Variants in SEMA4B observed in about 807,000 individuals in gnomAD.
SEMA4B encodes semaphorin-4B.
Under a neutral mutation model 88.1 loss-of-function variants are expected in SEMA4B, and 55 were observed. The observed-to-expected ratio is 0.62, with a 90% confidence interval of 0.50 to 0.78. The LOEUF (loss-of-function observed/expected upper bound fraction) is 0.78, where lower values mean the gene tolerates loss of function less well. Among genes scored for constraint, SEMA4B ranks in the 30% least tolerant of loss-of-function variants. SEMA4B has a pLI of 0.00. For synonymous variants in SEMA4B, 525 were observed against 473.6 expected, an observed-to-expected ratio of 1.11 and a Z score of -1.41; for missense variants, 1,062 against 1,111.9, an observed-to-expected ratio of 0.96 and a Z score of 0.64.
chr15:90,199,834 A>G (rs1960638963), upstream of SEMA4B, among the ~76,000 whole-genome samples: 1 of 152,096 alleles, frequency 6.6e-6, no homozygotes, highest in Non-Finnish European at 1.5e-5. Context: ...TCAAAAAAAA[A>G]AAAGTTGAGG....
In SEMA4B at chr15:90,228,603, G is replaced by A. The variant is rs774468147; in HGVS notation, c.2474G>A (p.Arg825Gln). ...VEVSPVCPRP[R>Q]VRLGSEIRDS... ...GTATCCCCAGTGTGCCCCCGGCCCCGGGTCCGCCTTGGCTCGGAGATCCGT... is the reference window on the plus strand; with the variant it reads ...GTATCCCCAGTGTGCCCCCGGCCCCAGGTCCGCCTTGGCTCGGAGATCCGT... The change falls in exon 14 of 14, where the codon CGG (arginine) becomes CAG (glutamine). Residue 825 changes from arginine to glutamine, a missense_variant. Coordinates refer to ENST00000411539, the MANE Select transcript of SEMA4B (RefSeq NM_198925.4). 9.9e-6 allele frequency: 16 copies of A among 1,613,506 alleles called. No individual in the cohort carries two copies. The highest frequency in any genetic ancestry group is 1.7e-4 in the Middle Eastern group (1 of 6,060).
In SEMA4B at chr15:90,219,844, C is replaced by T; in HGVS notation, c.436C>T (p.Leu146=). ...KILLPLSGSH[L]FTCGTAAFSP... ...CCTCCTGCCGCTCAGCGGCAGTCAC[C>T]TGTTCACCTGTGGCACAGCAGCCTT... Residue 146 remains leucine (L), a synonymous_variant, in exon 4 of 14, where the codon CTG becomes TTG. Coordinates refer to ENST00000411539, the MANE Select transcript of SEMA4B (RefSeq NM_198925.4). 6.2e-7 allele frequency: 1 copy of T among 1,613,716 alleles called. No homozygotes were observed. Among genetic ancestry groups the T allele is most frequent in the Non-Finnish European group, 8.5e-7 (1 of 1,179,854 alleles).
intron 1 of SEMA4B, among the ~76,000 whole-genome samples, chr15:90,203,062 A>G (rs1392783974): frequency 6.6e-6 from 1 of 152,228 alleles, no homozygotes; most frequent in East Asian, 1.9e-4. Flanking sequence ...GTATAATAAC[A>G]GAACCTACCT....
chr15:90,219,822 C>T lies in SEMA4B; in HGVS notation c.414C>T (p.Leu138=), dbSNP rs1163760892. ...QRDCQNYIKI[L]LPLSGSHLFT... is the part of the protein sequence containing the mutation. ...ACTGTCAAAACTACATCAAGATCCT[C>T]CTGCCGCTCAGCGGCAGTCACCTGT... Residue 138 remains leucine (L), a synonymous_variant, in exon 4 of 14, where the codon CTC becomes CTT. Coordinates refer to ENST00000411539, the MANE Select transcript of SEMA4B (RefSeq NM_198925.4). The T allele has an allele frequency of 6.2e-7, 1 of 1,613,622 alleles. No individual in the cohort carries two copies.
rs1265043088 is a variant in SEMA4B, at chr15:90,228,255, G to A, written c.2126G>A (p.Gly709Asp). Residue 709 changes from glycine (G) to aspartate (D), a missense_variant, in exon 14 of 14, where the codon GGT becomes GAT. Physicochemically the swap from Gly to Asp is moderately conservative, Grantham distance 94. Transcript: ENST00000411539. The stretch of plus-strand genomic sequence containing the variant: ...CCAGCTGGTGGCAAGGCCAGCTGGG[G>A]TGCAGACAGGTCCTACTGGAAGGAG... ...SAPAGGKASWGADRSYWKEFL... is the reference protein window; with the variant it reads ...SAPAGGKASWDADRSYWKEFL... 6 of 1,595,378 alleles carry A rather than the reference G, an allele frequency of 3.8e-6. No homozygotes were observed. The African/African-American group carries it at 8.0e-5, about 21-fold the overall frequency.
At chr15:90,201,836 T>A in intron 1 of SEMA4B, 101 bp downstream of exon 1, 1 of 1,178,732 alleles carries the variant, frequency 8.5e-7, no homozygotes, top group Non-Finnish European at 1.1e-6. Flanking sequence ...GGAGGGGACC[T>A]GTCGGAGGCA....
In SEMA4B at chr15:90,217,167, G is replaced by A. The variant is rs1440134906; in HGVS notation, c.158-272G>A. 5 of 321,110 alleles carry A rather than the reference G, an allele frequency of 1.6e-5. No homozygotes were observed. In the East Asian group the frequency reaches 1.7e-4, roughly 11 times the overall value. 19.9% of individuals were successfully genotyped at this position (321,110 alleles called of 1,614,324 possible). Reference sequence around the variant, plus strand: ...TTGACAAGGTCCCCTCTGGTTGGACGGACTCTTTGGTTTTCAGTTTTTTAT... The same window carrying A: ...TTGACAAGGTCCCCTCTGGTTGGACAGACTCTTTGGTTTTCAGTTTTTTAT... On this transcript the variant is annotated intron_variant, in intron 1 of 13. Coordinates refer to ENST00000411539, the MANE Select transcript of SEMA4B (RefSeq NM_198925.4).
At position 90,221,452 on chromosome 15, in the gene SEMA4B, G is replaced by A; in HGVS notation, c.681G>A (p.Lys227=). Residue 227 remains lysine (K), a synonymous_variant, in exon 6 of 14, where the codon AAG becomes AAA. Transcript: ENST00000411539. ...GGAGCCAAAGCCTTCGCCCCACCAA[G>A]ACCGAGAGCTCCCTCAACTGGCTGC... ...ISRSQSLRPT[K]TESSLNWLQD... The A allele has an allele frequency of 6.3e-7, 1 of 1,590,876 alleles. No homozygotes were observed.
Position 90,228,708 on chromosome 15 carries a change from G to T in SEMA4B, c.*65G>T. 2 of 1,594,388 alleles carry T rather than the reference G, an allele frequency of 1.3e-6. No homozygotes were observed. ...TGTGAATGCTCGGAGAGGGTCAACT[G>T]GACCTCCCCTCCGCTCTGCTCTTCG... On this transcript the variant is annotated 3_prime_UTR_variant, in exon 14 of 14. Coordinates refer to ENST00000411539, the MANE Select transcript of SEMA4B (RefSeq NM_198925.4).
intron 1 of SEMA4B, among the ~76,000 whole-genome samples, chr15:90,211,684 G>A (rs960165021): frequency 6.6e-6 from 1 of 152,194 alleles, no homozygotes; most frequent in African/African-American, 2.4e-5. Flanking sequence ...CAAGGTTCTG[G>A]TGACTTATCG....
intron 1 of SEMA4B, among the ~76,000 whole-genome samples, chr15:90,192,586 CTTTTTTTTT>C (rs67328606): frequency 3.4e-5 from 3 of 88,668 alleles, no homozygotes; most frequent in African/African-American, 1.4e-4. Context: ...TCCCTTGTAG[CTTTTTTTTT>C]TTTTTTTTTT....
intron 1 of SEMA4B, among the ~76,000 whole-genome samples, chr15:90,213,937 AGGG>A: frequency 6.6e-6 from 1 of 152,236 alleles, no homozygotes; most frequent in African/African-American, 2.4e-5. Context: ...GCCTGACAGA[AGGG>A]CCTACTTGAG....
chr15:90,213,825 G>A (rs558681288), intron 1 of SEMA4B, among the ~76,000 whole-genome samples: 2 of 152,358 alleles, frequency 1.3e-5, no homozygotes, highest in South Asian at 4.1e-4. Flanking sequence ...CGCAGTGTCT[G>A]TCTTGGTCTC....
Position 90,201,635 on chromosome 15 carries a change from GCCGCCTCGGCCA to G in SEMA4B, c.62_73del (p.Pro21_Pro24del). The G allele has an allele frequency of 6.6e-7, 1 of 1,516,732 alleles. No individual in the cohort carries two copies. Among genetic ancestry groups the G allele is most frequent in the South Asian group, 1.2e-5 (1 of 82,376 alleles). The allele number at this position is 1,516,732 out of a possible 1,614,324, so 94.0% of individuals were successfully genotyped here. On this transcript the variant is annotated inframe_deletion, in exon 1 of 14. Transcript: ENST00000411539. ...GGCTCGCCGCCCCATGGGGCGCGCT[GCCGCCTCGGCCA>G]CCGCTGCTGCTGCTCCTGCTGCTGC...
intron 3 of SEMA4B, 75 bp downstream of exon 3, chr15:90,217,904 G>A (rs1543115): frequency 0.29 from 377,217 of 1,296,930 alleles, 55,737 homozygotes; most frequent in Non-Finnish European, 0.3. Flanking sequence ...GGCCAGAGGC[G>A]GGAGGTGGGA....
At chr15:90,209,094 G>A (rs1348486996) in intron 1 of SEMA4B, among the ~76,000 whole-genome samples, 1 of 152,002 alleles carries the variant, frequency 6.6e-6, no homozygotes, top group Non-Finnish European at 1.5e-5. Flanking sequence ...TTTTTATCTG[G>A]GGCCCCTCTC....
intron 1 of SEMA4B, among the ~76,000 whole-genome samples, chr15:90,209,442 G>A (rs1207524507): frequency 1.3e-5 from 2 of 152,068 alleles, no homozygotes; most frequent in African/African-American, 2.4e-5. Flanking sequence ...GCGGGTGCCT[G>A]TAATTCCGGC....
intron 1 of SEMA4B, among the ~76,000 whole-genome samples, chr15:90,214,139 C>G (rs772940565): frequency 6.6e-6 from 1 of 151,666 alleles, no homozygotes; most frequent in Non-Finnish European, 1.5e-5. Flanking sequence ...GTCAGGAGTA[C>G]GAGAGACCAG....
intron 1 of SEMA4B, among the ~76,000 whole-genome samples, chr15:90,213,816 G>A (rs76356360): frequency 5.9e-5 from 9 of 152,316 alleles, no homozygotes; most frequent in African/African-American, 1.7e-4. Context: ...AGAAGGGACC[G>A]CAGTGTCTGT....
Sources: allele counts gnomAD v4.1 joint callset (sites outside exome capture counted in the v4.1 genomes callset), GRCh38; gene constraint gnomAD v4.1.1; transcripts MANE v1.5; gene names NCBI Gene and HGNC (gene_info 2026-07-23, HGNC 2026-07-21).